Variants in MCOLN2 observed in about 807,000 individuals in gnomAD.
MCOLN2 encodes mucolipin-2.
In MCOLN2, 57 loss-of-function variants were observed where a neutral mutation model predicts 67.5. The ratio of observed to expected loss-of-function variants is 0.84; its 90% confidence interval spans 0.68 to 1.05. The LOEUF is 1.05. MCOLN2 is among the 50% of genes least tolerant of loss of function. The pLI, the probability that MCOLN2 is intolerant of heterozygous loss-of-function variation, is 0.00. For synonymous variants in MCOLN2, 246 were observed against 233.3 expected (o/e 1.05, Z -0.50); for missense variants, 620 against 678.8 (o/e 0.91, Z 0.96).
intron 2 of MCOLN2, among the ~76,000 whole-genome samples, chr1:84,962,424 AG>A (rs1371042432): frequency 6.6e-6 from 1 of 152,174 alleles, no homozygotes; most frequent in Non-Finnish European, 1.5e-5. Flanking sequence ...ATGTGCCTTT[AG>A]TCAGCTGTTT....
At chr1:84,974,045 A>G (rs964334988) in intron 1 of MCOLN2, among the ~76,000 whole-genome samples, 3 of 152,192 alleles carry the variant, frequency 2.0e-5, no homozygotes, top group Non-Finnish European at 2.9e-5. Context: ...TAGAGCAGAA[A>G]GGAAAACTGG....
At chr1:84,930,541 T>C (rs1661357572) in intron 12 of MCOLN2, among the ~76,000 whole-genome samples, 1 of 152,038 alleles carries the variant, frequency 6.6e-6, no homozygotes, top group South Asian at 2.1e-4. Context: ...AAGACATGAA[T>C]CTCTGTGGCA....
chr1:84,963,245 C>T (rs1029209017), intron 2 of MCOLN2, among the ~76,000 whole-genome samples: 1 of 152,170 alleles, frequency 6.6e-6, no homozygotes, highest in Admixed American at 6.5e-5. Flanking sequence ...GTACATAAAA[C>T]ATTTATTGTG....
chr1:84,996,994 T>C lies in MCOLN2; in HGVS notation c.-122A>G. 2 of 829,746 alleles carry C rather than the reference T, an allele frequency of 2.4e-6. No homozygotes were observed. Among genetic ancestry groups the C allele is most frequent in the Non-Finnish European group, 3.9e-6 (2 of 509,910 alleles). 51.4% of individuals were successfully genotyped at this position (829,746 alleles called of 1,614,324 possible). On this transcript the variant is annotated 5_prime_UTR_variant, in exon 1 of 14. Coordinates refer to ENST00000370608, the MANE Select transcript of MCOLN2 (RefSeq NM_153259.4). ...GAAGTTGGAGCCCTGCAAAGCGGGG[T>C]TCCCTTCTCTTACCCTTTCTGCCGG...
chr1:84,969,809 A>G (rs1649575015), intron 1 of MCOLN2, among the ~76,000 whole-genome samples: 1 of 152,212 alleles, frequency 6.6e-6, no homozygotes, highest in African/African-American at 2.4e-5. Context: ...TTGTCAATGC[A>G]TAATTATTAA....
intron 11 of MCOLN2, among the ~76,000 whole-genome samples, chr1:84,933,544 C>T (rs539677419): frequency 3.9e-5 from 6 of 152,184 alleles, no homozygotes; most frequent in Non-Finnish European, 2.9e-5. Context: ...ATTTTCCATA[C>T]GCTACACAAG....
At chr1:84,947,251 A>G in intron 6 of MCOLN2, 119 bp from the exon 7 acceptor site, 1 of 627,402 alleles carries the variant, frequency 1.6e-6, no homozygotes, top group Admixed American at 2.6e-5. Flanking sequence ...AGAATTACAC[A>G]GGCCAGCAAA....
chr1:84,978,021 T>C (rs1277219490), intron 1 of MCOLN2, among the ~76,000 whole-genome samples: 3 of 152,110 alleles, frequency 2.0e-5, no homozygotes, highest in Admixed American at 6.5e-5. Context: ...ATTAACAAAA[T>C]TGAAATAATA....
intron 4 of MCOLN2, among the ~76,000 whole-genome samples, chr1:84,956,155 A>G (rs1648773386): frequency 1.6e-5 from 1 of 63,524 alleles, no homozygotes; most frequent in Admixed American, 1.3e-4. Context: ...CTTCATAGGG[A>G]AAAAAAAACA....
intron 1 of MCOLN2, among the ~76,000 whole-genome samples, chr1:84,971,229 T>C (rs1424155210): frequency 6.6e-6 from 1 of 152,030 alleles, no homozygotes; most frequent in Non-Finnish European, 1.5e-5. Flanking sequence ...GAAAAAATGA[T>C]AGACATGTAG....
At position 84,931,385 on chromosome 1, in the gene MCOLN2, T is replaced by C. The variant is rs1255307605; in HGVS notation, c.1519A>G (p.Thr507Ala). 1.9e-6 allele frequency: 3 copies of C among 1,582,028 alleles called. No individual in the cohort carries two copies. Among genetic ancestry groups the C allele is most frequent in the Non-Finnish European group, 2.6e-6 (3 of 1,151,450 alleles). Reference sequence around the variant, plus strand: ...ACCTTAATGGTGTCATAAGAATCTGTAATAAGTGCAATAAAAAGACTGAGA... The same window carrying C: ...ACCTTAATGGTGTCATAAGAATCTGCAATAAGTGCAATAAAAAGACTGAGA... ...MILSLFIALI[T>A]DSYDTIKKFQ... The change falls in exon 12 of 14, where the codon ACA (threonine) becomes GCA (alanine). Residue 507 changes from threonine to alanine, a missense_variant. By Grantham distance (58) the Thr-to-Ala change is moderately conservative (BLOSUM62 0). Coordinates refer to ENST00000370608, the MANE Select transcript of MCOLN2 (RefSeq NM_153259.4).
intron 13 of MCOLN2, among the ~76,000 whole-genome samples, chr1:84,927,004 C>A (rs1394873255): frequency 6.6e-6 from 1 of 151,674 alleles, no homozygotes; most frequent in Non-Finnish European, 1.5e-5. Flanking sequence ...AACCTCCATG[C>A]CCCCAGGGAG....
At chr1:84,969,586 AAAG>A (rs1649560915) in intron 1 of MCOLN2, among the ~76,000 whole-genome samples, 1 of 151,910 alleles carries the variant, frequency 6.6e-6, no homozygotes, top group Non-Finnish European at 1.5e-5. Context: ...AAAAAAAAAA[AAAG>A]AAATGAAAAA....
At position 84,937,993 on chromosome 1, in the gene MCOLN2, G is replaced by A; in HGVS notation, c.1200C>T (p.Phe400=). 6.2e-7 allele frequency: 1 copy of A among 1,613,888 alleles called. No individual in the cohort carries two copies. Among genetic ancestry groups the A allele is most frequent in the Non-Finnish European group, 8.5e-7 (1 of 1,179,824 alleles). The change falls in exon 10 of 14, where the codon TTC becomes TTT. Residue 400 remains phenylalanine, a synonymous_variant. Coordinates refer to ENST00000370608, the MANE Select transcript of MCOLN2 (RefSeq NM_153259.4). ...GCCGCATCCTTACATTATATGCCTG[G>A]AAATAACCCAGGTATCTGATGACTC... ...WVGVIRYLGY[F]QAYNVLILTM...
At chr1:84,978,509 T>A (rs1650102786) in intron 1 of MCOLN2, among the ~76,000 whole-genome samples, 1 of 151,730 alleles carries the variant, frequency 6.6e-6, no homozygotes, top group Admixed American at 6.6e-5. Flanking sequence ...ATAAATAAAA[T>A]CAGAAATGAA....
At chr1:84,980,039 T>A (rs1650177893) in intron 1 of MCOLN2, among the ~76,000 whole-genome samples, 1 of 151,956 alleles carries the variant, frequency 6.6e-6, no homozygotes, top group Admixed American at 6.6e-5. Flanking sequence ...GAGTAAGCAA[T>A]CTGAAAAAGA....
chr1:84,971,669 A>C (rs1433284716), intron 1 of MCOLN2, among the ~76,000 whole-genome samples: 2 of 152,216 alleles, frequency 1.3e-5, no homozygotes, highest in Non-Finnish European at 2.9e-5. Context: ...ACACTCTTTT[A>C]TTTAACACAT....
chr1:84,939,105 T>C (rs1647600825), intron 9 of MCOLN2, among the ~76,000 whole-genome samples: 1 of 151,918 alleles, frequency 6.6e-6, no homozygotes, highest in Non-Finnish European at 1.5e-5. Flanking sequence ...AAGGAGGAGT[T>C]GAGGCTTAGT....
chr1:84,988,285 C>G (rs1323141365), intron 1 of MCOLN2, among the ~76,000 whole-genome samples: 1 of 152,096 alleles, frequency 6.6e-6, no homozygotes, highest in East Asian at 1.9e-4. Flanking sequence ...CTCTTGGACT[C>G]AAGCAATCCT....
Sources: allele counts gnomAD v4.1 joint callset (sites outside exome capture counted in the v4.1 genomes callset), GRCh38; gene constraint gnomAD v4.1.1; transcripts MANE v1.5; gene names NCBI Gene and HGNC (gene_info 2026-07-23, HGNC 2026-07-21).